ATG4B: variants seen among roughly 807,000 people sequenced by gnomAD.
ATG4B encodes autophagy related 4B cysteine peptidase.
A neutral mutation model predicts 56.6 loss-of-function variants in ATG4B; 29 were observed. The observed-to-expected ratio is 0.51, with a 90% confidence interval of 0.38 to 0.70. The LOEUF (loss-of-function observed/expected upper bound fraction) is 0.70. Among genes scored for constraint, ATG4B ranks in the 30% least tolerant of loss-of-function variants. The pLI, the probability that ATG4B is intolerant of heterozygous loss-of-function variation, is 0.00. For synonymous variants in ATG4B, 224 were observed against 206.1 expected, an observed-to-expected ratio of 1.09 and a Z score of -0.74; for missense variants, 461 against 515.5, an observed-to-expected ratio of 0.89 and a Z score of 1.02.
Position 241,655,300 on chromosome 2 carries a change from A to T in ATG4B, c.415A>T (p.Ile139Leu). The part of the protein sequence containing the change: ...AQMGVGEGKS[I>L]GQWYGPNTVA... Reference sequence around the variant, plus strand: ...AATGGGAGTTGGCGAAGGCAAGTCCATAGGCCAGTGGTACGGGCCCAACAC... The same window carrying T: ...AATGGGAGTTGGCGAAGGCAAGTCCTTAGGCCAGTGGTACGGGCCCAACAC... The change falls in exon 6 of 13, where the codon ATA becomes TTA. Residue 139 changes from isoleucine to leucine, a missense_variant. Transcript: ENST00000404914. 1 of 1,612,376 alleles carries T rather than the reference A, an allele frequency of 6.2e-7. No homozygotes were observed. The highest frequency in any genetic ancestry group is 8.5e-7 in the Non-Finnish European group (1 of 1,179,224).
chr2:241,659,283 T>A (rs760565883), intron 7 of ATG4B, 96 bp downstream of exon 7: 20 of 1,110,142 alleles, frequency 1.8e-5, no homozygotes, highest in Non-Finnish European at 2.7e-5. Context: ...TCGGCGAGTG[T>A]TGTCAGTCGC....
At chr2:241,642,167 G>GT (rs112568817) in intron 1 of ATG4B, among the ~76,000 whole-genome samples, 248 of 146,178 alleles carry the variant, frequency 1.7e-3, no homozygotes, top group Admixed American at 1.8e-3. Flanking sequence ...CTGGGGAGTG[G>GT]TTTTTTTTTT....
intron 1 of ATG4B, among the ~76,000 whole-genome samples, chr2:241,642,422 G>A (rs997329334): frequency 5.9e-5 from 9 of 152,236 alleles, no homozygotes; most frequent in African/African-American, 9.6e-5. Context: ...TATGCAAACT[G>A]TTATCTTAAA....
At chr2:241,646,350 T>C (rs961513248) in intron 1 of ATG4B, among the ~76,000 whole-genome samples, 51 of 152,178 alleles carry the variant, frequency 3.4e-4, no homozygotes, top group African/African-American at 1.2e-3. Flanking sequence ...TATGGGAAAC[T>C]AGACATCCTA....
chr2:241,665,947 C>G lies in ATG4B; in HGVS notation c.539-698C>G, dbSNP rs185847803. ...CACTGTCCATCTTTTTGATGCTTGA[C>G]GGTTCCACCTTTGGCCGGTGGCCAC... is the stretch of plus-strand genomic sequence containing the variant. On this transcript the variant is annotated intron_variant, in intron 7 of 12. Transcript: ENST00000404914. Among the ~76,000 whole-genome samples the G allele has an allele frequency of 3.7e-3, 567 of 152,346 alleles. 1 individual carries two copies. The highest frequency in any genetic ancestry group is 0.014 in the Middle Eastern group (4 of 292).
rs1009057398 is a variant in ATG4B, at chr2:241,672,440, G to T, written c.*176G>T. The T allele has an allele frequency of 1.6e-6, 1 of 628,052 alleles. No homozygotes were observed. Among genetic ancestry groups the T allele is most frequent in the Non-Finnish European group, 2.8e-6 (1 of 360,710 alleles). The allele number at this position is 628,052 out of a possible 1,614,324, so 38.9% of individuals were successfully genotyped here. A position where few individuals can be genotyped will look rare whatever the true frequency, so the allele number is the denominator to read the frequency against. ...GCTGCCCGGGAGGCCTTACTGCTTG[G>T]TGTCAGACTGCCCAGCTCAGAGTGC... On this transcript the variant is annotated 3_prime_UTR_variant, in exon 13 of 13. Transcript: ENST00000404914.
Position 241,668,844 on chromosome 2 carries a change from G to T in ATG4B, c.957+159G>T. Reference sequence around the variant, plus strand: ...TCTGAAGGGTATAAGAGCCGGAACTGTGTCCTTGCACCCTCACGTCCCTCC... The same window carrying T: ...TCTGAAGGGTATAAGAGCCGGAACTTTGTCCTTGCACCCTCACGTCCCTCC... On this transcript the variant is annotated intron_variant, in intron 10 of 12. Transcript: ENST00000404914. The surrounding 1 kb of genome is among the most constrained non-coding windows in gnomAD (Gnocchi z 4.2). 9.1e-7 allele frequency: 1 copy of T among 1,095,142 alleles called. No homozygotes were observed. Among genetic ancestry groups the T allele is most frequent in the Non-Finnish European group, 1.3e-6 (1 of 776,844 alleles). The allele number at this position is 1,095,142 out of a possible 1,614,324, so 67.8% of individuals were successfully genotyped here.
chr2:241,649,349 T>G (rs1174528141), intron 1 of ATG4B, among the ~76,000 whole-genome samples: 1 of 152,242 alleles, frequency 6.6e-6, no homozygotes, highest in African/African-American at 2.4e-5. Context: ...TTCACGTGAT[T>G]TGTGTATTTT....
intron 1 of ATG4B, among the ~76,000 whole-genome samples, chr2:241,647,494 G>A (rs1016399579): frequency 5.0e-4 from 76 of 152,012 alleles, no homozygotes; most frequent in Admixed American, 1.6e-3. Flanking sequence ...GGTGGCGGGC[G>A]CTTGTAGTCC....
rs570542294 is a variant in ATG4B at position 241,669,846 on chromosome 2, C to T, written c.958-880C>T. ...TACCAGAACCTAGTCACGAATTCCTCGTCGAACTAGAATTAGGTATGTTTG... is the reference window on the plus strand; with the variant it reads ...TACCAGAACCTAGTCACGAATTCCTTGTCGAACTAGAATTAGGTATGTTTG... On this transcript the variant is annotated intron_variant, in intron 10 of 12. Coordinates refer to ENST00000404914, the MANE Select transcript of ATG4B (RefSeq NM_013325.5). Among the ~76,000 whole-genome samples the T allele has an allele frequency of 6.6e-5, 10 of 152,278 alleles. No individual in the cohort carries two copies. In the East Asian group the frequency reaches 7.7e-4, roughly 12 times the overall value.
At chr2:241,663,106 C>G (rs2068641576) in intron 7 of ATG4B, among the ~76,000 whole-genome samples, 1 of 152,146 alleles carries the variant, frequency 6.6e-6, no homozygotes, top group Non-Finnish European at 1.5e-5. Context: ...GGTGGCACGC[C>G]CTCGTAATCC....
rs112568817 is a variant in ATG4B, at chr2:241,642,167, GT to G, written c.10+4456del. On this transcript the variant is annotated intron_variant, in intron 1 of 12. Transcript: ENST00000404914. ...TGAATGCAGAGGCTGCTGGGGAGTG[GT>G]TTTTTTTTTTTTCTTGAGATGGAGT... Among the ~76,000 whole-genome samples the G allele has an allele frequency of 2.5e-3, 373 of 146,320 alleles. 2 individuals are homozygous for G. Among genetic ancestry groups the G allele is most frequent in the African/African-American group, 4.7e-3 (190 of 40,294 alleles).
At position 241,666,813 on chromosome 2, in the gene ATG4B, A is replaced by G. The variant is rs1223258104; in HGVS notation, c.707A>G (p.Asn236Ser). 3 of 1,570,142 alleles carry G rather than the reference A, an allele frequency of 1.9e-6. No homozygotes were observed. Among genetic ancestry groups the G allele is most frequent in the African/African-American group, 2.7e-5 (2 of 73,832 alleles). ...IPLRLGLTDI[N>S]EAYVETLKHC... ...CTGCGCCTGGGGCTCACGGACATCA[A>G]CGAGGCCTACGTGGAGACGCTGAAG... is the stretch of plus-strand genomic sequence containing the variant. The change falls in exon 8 of 13, where the codon AAC (asparagine) becomes AGC (serine). Residue 236 changes from asparagine to serine, a missense_variant. By Grantham distance (46) the Asn-to-Ser change is conservative (BLOSUM62 1). Transcript: ENST00000404914.
Position 241,653,991 on chromosome 2 carries a change from A to G in ATG4B, c.283+381A>G, listed in dbSNP as rs1389347898. Among the ~76,000 whole-genome samples, 571 of 91,912 alleles carry G rather than the reference A, an allele frequency of 6.2e-3. 1 individual carries two copies. The highest frequency in any genetic ancestry group is 0.03 in the African/African-American group (535 of 17,806). The allele number at this position is 91,912 out of a possible 152,430, so 60.3% of individuals were successfully genotyped here. A position where few individuals can be genotyped will look rare whatever the true frequency, so the allele number is the denominator to read the frequency against. ...CTGCAACAGAGTTAGACCCTATCTG[A>G]AAAAAAAAAAAAAAAAAAAAGAAGA... On this transcript the variant is annotated intron_variant, in intron 4 of 12. Transcript: ENST00000404914.
At chr2:241,653,646 G>T (rs770425615) in intron 4 of ATG4B, 36 bp downstream of exon 4, 6 of 1,546,704 alleles carry the variant, frequency 3.9e-6, no homozygotes, top group Non-Finnish European at 5.3e-6. Context: ...CATGGCCACG[G>T]TGTTCTCAGG....
At chr2:241,664,973 CA>C (rs1429043154) in intron 7 of ATG4B, among the ~76,000 whole-genome samples, 2 of 151,766 alleles carry the variant, frequency 1.3e-5, no homozygotes, top group South Asian at 2.1e-4. Flanking sequence ...AAAGAAAAGT[CA>C]GGGGGCACAG....
chr2:241,649,098 G>A (rs1282782470), intron 1 of ATG4B, among the ~76,000 whole-genome samples: 1 of 152,200 alleles, frequency 6.6e-6, no homozygotes, highest in African/African-American at 2.4e-5. Context: ...GAAGTTAAGT[G>A]AGTGGCCCAG....
chr2:241,650,881 G>C (rs983987574), intron 1 of ATG4B, 129 bp from the exon 2 acceptor site: 1 of 746,808 alleles, frequency 1.3e-6, no homozygotes, highest in Admixed American at 2.6e-5. Context: ...CGAGATACGA[G>C]AGGGAGTGCT....
chr2:241,645,675 C>T (rs1039581120), intron 1 of ATG4B, among the ~76,000 whole-genome samples: 1 of 152,278 alleles, frequency 6.6e-6, no homozygotes, highest in East Asian at 1.9e-4. Flanking sequence ...AGCTGGCGCT[C>T]CAGCTGTCAG....
Sources: gnomAD v4.1 joint callset for allele counts (sites outside exome capture counted in the v4.1 genomes callset) on GRCh38, gnomAD v4.1.1 for gene constraint, Gnocchi (gnomAD v3.1) non-coding constraint, MANE v1.5 for transcripts, NCBI Gene and HGNC (gene_info 2026-07-23, HGNC 2026-07-21) for gene names.